PRKDC: variants seen among roughly 807,000 people sequenced by gnomAD.
PRKDC encodes the protein DNA-dependent protein kinase catalytic subunit.
A neutral mutation model predicts 486.9 loss-of-function variants in PRKDC; 82 were observed. The observed-to-expected ratio is 0.17, with a 90% CI of 0.14 to 0.20. PRKDC has a LOEUF of 0.20. PRKDC is among the 10% of genes least tolerant of loss of function. The pLI, the probability that PRKDC is intolerant of heterozygous loss-of-function variation, is 1.00. For missense variants in PRKDC, 4,504 were observed against 5,038.2 expected (o/e 0.89, Z 3.21); for synonymous variants, 1,895 against 1,837.0 (o/e 1.03, Z -0.81).
In PRKDC at chr8:47,819,509, T is replaced by C. The variant is rs1284848811; in HGVS notation, c.9338A>G (p.Asn3113Ser). The C allele has an allele frequency of 1.8e-6, 2 of 1,131,178 alleles. No homozygotes were observed. The highest frequency in any genetic ancestry group is 2.4e-6 in the Non-Finnish European group (2 of 849,150). 70.1% of individuals were successfully genotyped at this position (1,131,178 alleles called of 1,614,324 possible). Residue 3113 changes from asparagine (N) to serine (S), a missense_variant and splice_region_variant, in exon 67 of 86, where the codon AAT becomes AGT. This residue lies in a region of PRKDC where 1,592 missense variants were observed against 1,724.6 expected (regional missense o/e 0.92). Coordinates refer to ENST00000314191, the MANE Select transcript of PRKDC (RefSeq NM_006904.7). ...TAAGAGGACATCAATACTAGAATAATTCTTAAAAAAAAAAAAAAAAAAAAA... is the reference window on the plus strand; with the variant it reads ...TAAGAGGACATCAATACTAGAATAACTCTTAAAAAAAAAAAAAAAAAAAAA... The part of the protein sequence containing the change: ...IQNGIQSFMQ[N>S]YSSIDVLLHQ...
chr8:47,858,856 C>T lies in PRKDC; in HGVS notation c.6338G>A (p.Gly2113Glu), dbSNP rs2088606980. ...HMHRSLGPPQ[G>E]EEDSVPRDLP... ...GATGAGTGGGAAAAGCACCTCTTCT[C>T]CTTGAGGCGGGCCCAGGCTTCTGTG... Residue 2113 changes from glycine to glutamate, a missense_variant, in exon 47 of 86, where the codon GGA becomes GAA. Physicochemically the swap from Gly to Glu is moderately conservative, Grantham distance 98 (BLOSUM62 -2). This residue lies in a region of PRKDC where 1,592 missense variants were observed against 1,724.6 expected (regional missense o/e 0.92). Transcript: ENST00000314191. 1 of 1,603,426 alleles carries T rather than the reference C, an allele frequency of 6.2e-7. No homozygotes were observed.
At chr8:47,832,274 C>T (rs1382049504) in intron 59 of PRKDC, among the ~76,000 whole-genome samples, 3 of 152,192 alleles carry the variant, frequency 2.0e-5, no homozygotes, top group Non-Finnish European at 2.9e-5. Flanking sequence ...CAGCCTCCCT[C>T]GGGACTGTGG....
At chr8:47,830,842 T>C (rs372645469) in intron 60 of PRKDC, 106 bp from the exon 61 acceptor site, 1 of 1,388,468 alleles carries the variant, frequency 7.2e-7, no homozygotes, top group Non-Finnish European at 1.0e-6. Context: ...GAGGGCGAAG[T>C]GGTGGGAACT....
At position 47,943,767 on chromosome 8, in the gene PRKDC, TTTCA is replaced by T. The variant is rs1206477575; in HGVS notation, c.808+82_808+85del. On this transcript the variant is annotated intron_variant, in intron 9 of 85. Transcript: ENST00000314191. ...ACATCACAGATGTTATCACATTTGC[TTTCA>T]TTCAAAGTTTAAGCAAAAGCTTACT... 6.4e-5 allele frequency: 76 copies of T among 1,186,662 alleles called. 1 individual carries two copies. The African/African-American group carries it at 9.9e-4, about 15-fold the overall frequency. The allele number at this position is 1,186,662 out of a possible 1,614,324, so 73.5% of individuals were successfully genotyped here.
At position 47,943,301 on chromosome 8, in the gene PRKDC, A is replaced by G. The variant is rs1450976452; in HGVS notation, c.874T>C (p.Ser292Pro). The change falls in exon 10 of 86, where the codon TCT becomes CCT. Residue 292 changes from serine (S) to proline (P), a missense_variant. Around this residue, in one of 6 missense-constraint regions of PRKDC, gnomAD observed 1,969 missense variants for 2,068.9 expected, o/e 0.95. Transcript: ENST00000314191. ...FSTCLLDNYV[S>P]LFEVLLKWCA... ...CACTTTAACAAGACTTCAAATAGAGACACGTAGTTGTCCAGAAGGCAGGTG... is the reference window on the plus strand; with the variant it reads ...CACTTTAACAAGACTTCAAATAGAGGCACGTAGTTGTCCAGAAGGCAGGTG... 2 of 1,612,556 alleles carry G rather than the reference A, an allele frequency of 1.2e-6. No individual in the cohort carries two copies. Among genetic ancestry groups the G allele is most frequent in the East Asian group, 4.5e-5 (2 of 44,882 alleles).
In PRKDC at chr8:47,836,421, C is replaced by T. The variant is rs1174732937; in HGVS notation, c.7868G>A (p.Gly2623Glu). 1.2e-6 allele frequency: 2 copies of T among 1,613,006 alleles called. No individual in the cohort carries two copies. The highest frequency in any genetic ancestry group is 2.2e-5 in the East Asian group (1 of 44,864). Residue 2623 changes from glycine (G) to glutamate (E), a missense_variant, in exon 58 of 86, where the codon GGG becomes GAG. Gly to Glu is a moderately conservative substitution (Grantham distance 98). Coordinates refer to ENST00000314191, the MANE Select transcript of PRKDC (RefSeq NM_006904.7). ...CACTGGCCAGCGAGCTGAGAGGGAC[C>T]CTTCCTGGGTACGGGTCTGGAGAGT... ...QGTLQTRTQE[G>E]SLSARWPVAG...
rs143862351 is a variant in PRKDC, at chr8:47,934,936, C to T, written c.1497+73G>A. On this transcript the variant is annotated intron_variant, in intron 14 of 85. Coordinates refer to ENST00000314191, the MANE Select transcript of PRKDC (RefSeq NM_006904.7). ...ACGGCCACTTTTGCAAAATTATATT[C>T]GAAAACCTCAGCAACATTCCTAGCT... The T allele has an allele frequency of 8.2e-4, 1,022 of 1,253,486 alleles. 6 individuals carry two copies. Among genetic ancestry groups the T allele is most frequent in the Middle Eastern group, 7.8e-3 (41 of 5,226 alleles). 77.6% of individuals were successfully genotyped at this position (1,253,486 alleles called of 1,614,324 possible).
chr8:47,923,566 G>A (rs1374823561), intron 21 of PRKDC, among the ~76,000 whole-genome samples: 1 of 152,234 alleles, frequency 6.6e-6, no homozygotes, highest in African/African-American at 2.4e-5. Flanking sequence ...AGTGGGCAAA[G>A]AAGGGCTCTA....
chr8:47,935,430 G>A (rs561937048), intron 13 of PRKDC, among the ~76,000 whole-genome samples: 2 of 151,980 alleles, frequency 1.3e-5, no homozygotes, highest in Non-Finnish European at 2.9e-5. Context: ...AACCCAGGAG[G>A]CAGTGGTTGC....
At position 47,852,774 on chromosome 8, in the gene PRKDC, C is replaced by A; in HGVS notation, c.6904G>T (p.Ala2302Ser). 2 of 1,561,774 alleles carry A rather than the reference C, an allele frequency of 1.3e-6. No homozygotes were observed. Among genetic ancestry groups the A allele is most frequent in the East Asian group, 2.3e-5 (1 of 43,312 alleles). Residue 2302 changes from alanine (A) to serine (S), a missense_variant, in exon 52 of 86, where the codon GCT becomes TCT. By Grantham distance (99) the Ala-to-Ser change is moderately conservative (BLOSUM62 1). Transcript: ENST00000314191. ...CGIQSSEYFQ[A>S]LVNNMSFVRY... ...ACAAAGGACATATTATTCACCAAAG[C>A]CTGGAAGTATCTACAATAAACACAG...
intron 62 of PRKDC, 92 bp downstream of exon 62, chr8:47,828,076 G>C: frequency 8.1e-7 from 1 of 1,241,930 alleles, no homozygotes; most frequent in Non-Finnish European, 1.1e-6. Flanking sequence ...AGGTTATCAA[G>C]AGTCTCAACA....
At chr8:47,931,952 G>A (rs777568025) in intron 16 of PRKDC, among the ~76,000 whole-genome samples, 2 of 152,184 alleles carry the variant, frequency 1.3e-5, no homozygotes, top group East Asian at 1.9e-4. Context: ...GTGCAGTGGC[G>A]CAATCTCAGC....
intron 39 of PRKDC, among the ~76,000 whole-genome samples, chr8:47,878,078 A>G (rs994034230): frequency 4.0e-5 from 6 of 150,032 alleles, no homozygotes; most frequent in Admixed American, 4.0e-4. Context: ...TACTGAGCCT[A>G]GATTCTTTCT....
At position 47,897,233 on chromosome 8, in the gene PRKDC, A is replaced by G; in HGVS notation, c.3526T>C (p.Cys1176Arg). ...LDLVKWLLAH[C>R]GRPQTECRHK... is the part of the protein sequence containing the mutation. ...CGACATTCTGTCTGGGGCCTCCCAC[A>G]ATGAGCTAAAAGCCACTTGACCAGA... Residue 1176 changes from cysteine to arginine, a missense_variant, in exon 30 of 86, where the codon TGT (cysteine) becomes CGT (arginine). Transcript: ENST00000314191. The G allele has an allele frequency of 1.2e-6, 2 of 1,609,216 alleles. No individual in the cohort carries two copies. The highest frequency in any genetic ancestry group is 1.7e-6 in the Non-Finnish European group (2 of 1,176,090).
At chr8:47,785,083 C>T (rs962846739) in intron 77 of PRKDC, 30 bp downstream of exon 77, 15 of 1,601,394 alleles carry the variant, frequency 9.4e-6, no homozygotes, top group Non-Finnish European at 1.3e-5. Flanking sequence ...CCTGACAGTA[C>T]AGTTTTGTCA....
At chr8:47,846,278 T>C (rs182928130) in intron 54 of PRKDC, among the ~76,000 whole-genome samples, 15 of 152,138 alleles carry the variant, frequency 9.9e-5, no homozygotes, top group East Asian at 9.7e-4. Context: ...TAGCCAGGCA[T>C]GGTGGCATGT....
At chr8:47,937,568 T>C (rs954085087) in intron 11 of PRKDC, among the ~76,000 whole-genome samples, 4 of 152,218 alleles carry the variant, frequency 2.6e-5, no homozygotes, top group African/African-American at 9.7e-5. Flanking sequence ...TTCAGACTTT[T>C]CCAAGGCTTC....
intron 76 of PRKDC, among the ~76,000 whole-genome samples, chr8:47,788,285 G>A (rs1167480998): frequency 6.6e-6 from 1 of 152,238 alleles, no homozygotes; most frequent in East Asian, 1.9e-4. Context: ...CCAGATGGAG[G>A]AGGGAGAGAA....
At chr8:47,865,779 A>C (rs1036143712) in intron 40 of PRKDC, among the ~76,000 whole-genome samples, 26 of 152,096 alleles carry the variant, frequency 1.7e-4, no homozygotes, top group African/African-American at 6.0e-4. Context: ...AAGACTCCCC[A>C]AATTCCTATG....
Sources: allele counts gnomAD v4.1 joint callset (sites outside exome capture counted in the v4.1 genomes callset), GRCh38; gene constraint gnomAD v4.1.1; regional missense constraint gnomAD v4.1.1; transcripts MANE v1.5; gene names NCBI Gene and HGNC (gene_info 2026-07-23, HGNC 2026-07-21).